The following CCDC149 variants were observed in gnomAD, a reference collection of about 807,000 sequenced individuals.
CCDC149 encodes the protein coiled-coil domain-containing protein 149.
Under a neutral mutation model 59.9 loss-of-function variants are expected in CCDC149, and 45 were observed. That is an observed-to-expected ratio of 0.75 (90% CI 0.59 to 0.96). The LOEUF (loss-of-function observed/expected upper bound fraction) is 0.96, where lower values mean the gene tolerates loss of function less well. CCDC149 is among the 40% of genes least tolerant of loss of function. CCDC149 has a pLI of 0.00. For missense variants in CCDC149, 584 were observed against 664.7 expected, an observed-to-expected ratio of 0.88 and a Z score of 1.33; for synonymous variants, 245 against 260.6, an observed-to-expected ratio of 0.94 and a Z score of 0.58.
chr4:24,913,594 T>C (rs1288373973), upstream of CCDC149, among the ~76,000 whole-genome samples: 1 of 152,204 alleles, frequency 6.6e-6, no homozygotes, highest in Non-Finnish European at 1.5e-5. Flanking sequence ...CAATTCTAAA[T>C]AGGGCCAAAA....
At chr4:24,953,884 T>C (rs146298694) in intron 1 of CCDC149, among the ~76,000 whole-genome samples, 29 of 152,094 alleles carry the variant, frequency 1.9e-4, no homozygotes, top group African/African-American at 5.1e-4. Context: ...CTGAAAAGTA[T>C]AATAACTGAA....
rs766515105 is a variant in CCDC149, at chr4:24,876,577, C to T, written c.184G>A (p.Glu62Lys). ...TTCTTCTTCAGTGACTGGTGGCGCT[C>T]CCGGAGCTGATTGGCCATGAGTTTG... The change falls in exon 2 of 13, where the codon GAG (glutamate) becomes AAG (lysine). Residue 62 changes from glutamate (E) to lysine (K), a missense_variant. Physicochemically the swap from Glu to Lys is moderately conservative, Grantham distance 56. Coordinates refer to ENST00000635206, the MANE Select transcript of CCDC149 (RefSeq NM_001330643.2). 6.8e-6 allele frequency: 11 copies of T among 1,614,104 alleles called. No individual in the cohort carries two copies. The highest frequency in any genetic ancestry group is 1.3e-5 in the African/African-American group (1 of 75,030).
intron 1 of CCDC149, among the ~76,000 whole-genome samples, chr4:24,978,779 C>T (rs1724331151): frequency 6.6e-6 from 1 of 152,156 alleles, no homozygotes; most frequent in Admixed American, 6.5e-5. Flanking sequence ...AATTTTGCCA[C>T]AGATTCAGAT....
chr4:24,804,486 C>CAAAAAA (rs397796144), downstream of CCDC149, among the ~76,000 whole-genome samples: 12 of 57,094 alleles, frequency 2.1e-4, no homozygotes, highest in Non-Finnish European at 2.1e-4. Context: ...GTGAGACTCT[C>CAAAAAA]AAAAAAAAAA....
intron 12 of CCDC149, among the ~76,000 whole-genome samples, chr4:24,816,744 T>C (rs1715035923): frequency 6.6e-6 from 1 of 152,196 alleles, no homozygotes; most frequent in Admixed American, 6.5e-5. Flanking sequence ...AATCAACGGC[T>C]ACAAACGCAT....
At chr4:24,872,090 A>G (rs573260538) in intron 3 of CCDC149, among the ~76,000 whole-genome samples, 3 of 152,350 alleles carry the variant, frequency 2.0e-5, no homozygotes, top group Admixed American at 1.3e-4. Flanking sequence ...AAAAGATATT[A>G]GAAGTATTAT....
rs182732992 is a variant in CCDC149 at position 24,969,858 on chromosome 4, G to A, written c.-65+10211C>T. ...GTTGGCCATTGTAGCTCCCTTGGGG[G>A]AGGGCCTACAGTGTGACTTGCATTT... On this transcript the variant is annotated intron_variant, in intron 1 of 12. Transcript: ENST00000389609. Among the ~76,000 whole-genome samples the A allele has an allele frequency of 2.6e-5, 4 of 152,342 alleles. No homozygotes were observed. The South Asian group carries it at 8.3e-4, about 32-fold the overall frequency.
chr4:24,821,340 C>T (rs762255480), intron 10 of CCDC149, among the ~76,000 whole-genome samples: 11 of 152,028 alleles, frequency 7.2e-5, no homozygotes, highest in East Asian at 1.9e-4. Flanking sequence ...ATCAATTTGC[C>T]GAACTGTGTT....
intron 1 of CCDC149, among the ~76,000 whole-genome samples, chr4:24,900,491 T>G (rs906447964): frequency 1.3e-5 from 2 of 152,204 alleles, no homozygotes; most frequent in African/African-American, 4.8e-5. Context: ...GGTTCTGTAC[T>G]CTGTATCAGT....
intron 3 of CCDC149, among the ~76,000 whole-genome samples, chr4:24,864,782 C>T (rs1479131365): frequency 6.6e-6 from 1 of 152,188 alleles, no homozygotes; most frequent in East Asian, 1.9e-4. Flanking sequence ...ACAACACAGG[C>T]TTGAACCACA....
chr4:24,922,696 C>T (rs1722331344), intron 1 of CCDC149, among the ~76,000 whole-genome samples: 1 of 152,102 alleles, frequency 6.6e-6, no homozygotes, highest in Non-Finnish European at 1.5e-5. Context: ...CAAGGAGATA[C>T]TACAAAGGCT....
chr4:24,977,257 C>A (rs992588249), intron 1 of CCDC149, among the ~76,000 whole-genome samples: 1 of 152,070 alleles, frequency 6.6e-6, no homozygotes, highest in Admixed American at 6.6e-5. Flanking sequence ...AAGAGGTATT[C>A]TTTTTCCATC....
intron 3 of CCDC149, among the ~76,000 whole-genome samples, chr4:24,868,510 C>T (rs1020531408): frequency 2.6e-5 from 4 of 152,278 alleles, no homozygotes; most frequent in Admixed American, 6.5e-5. Context: ...GCACTGATTA[C>T]CATTTAACAA....
intron 1 of CCDC149, among the ~76,000 whole-genome samples, chr4:24,888,569 T>C (rs1408611554): frequency 2.0e-5 from 3 of 152,196 alleles, no homozygotes; most frequent in Non-Finnish European, 4.4e-5. Context: ...CAACCCTAGA[T>C]AGACATTCAG....
chr4:24,935,950 G>A (rs889185831), intron 1 of CCDC149, among the ~76,000 whole-genome samples: 1 of 152,216 alleles, frequency 6.6e-6, no homozygotes, highest in South Asian at 2.1e-4. Context: ...AAAAAGAGGT[G>A]GTCAGTGAGT....
intron 9 of CCDC149, among the ~76,000 whole-genome samples, chr4:24,824,748 C>T (rs912494517): frequency 7.9e-5 from 12 of 152,234 alleles, no homozygotes; most frequent in Non-Finnish European, 1.2e-4. Context: ...GGTGGTGAGG[C>T]TGTATCGGAA....
chr4:24,929,124 G>C (rs901024860), intron 1 of CCDC149, among the ~76,000 whole-genome samples: 1 of 152,182 alleles, frequency 6.6e-6, no homozygotes, highest in Non-Finnish European at 1.5e-5. Flanking sequence ...CCCATGGTCT[G>C]GTGAAGATGC....
intron 1 of CCDC149, among the ~76,000 whole-genome samples, chr4:24,941,207 C>T (rs1170916864): frequency 6.6e-6 from 1 of 152,226 alleles, no homozygotes; most frequent in Admixed American, 6.5e-5. Context: ...TCTCAGACCA[C>T]AGTGCAATCA....
chr4:24,924,569 G>A (rs938335858), intron 1 of CCDC149, among the ~76,000 whole-genome samples: 1 of 152,208 alleles, frequency 6.6e-6, no homozygotes, highest in African/African-American at 2.4e-5. Flanking sequence ...AGGACCCAAA[G>A]ACTAGGACTG....
Sources: allele counts gnomAD v4.1 joint callset (sites outside exome capture counted in the v4.1 genomes callset), GRCh38; gene constraint gnomAD v4.1.1; transcripts MANE v1.5; gene names NCBI Gene and HGNC (gene_info 2026-07-23, HGNC 2026-07-21).